COL27A1: variants seen among roughly 807,000 people sequenced by gnomAD.
COL27A1 encodes collagen type XXVII alpha 1 chain.
COL27A1 carries 106 observed loss-of-function variants against 251.3 expected under a neutral mutation model. The observed-to-expected ratio is 0.42, with a 90% CI of 0.36 to 0.50. The LOEUF is 0.50. Among genes scored for constraint, COL27A1 ranks in the 20% least tolerant of loss-of-function variants. The pLI is 0.00. For synonymous variants in COL27A1, 1,000 were observed against 986.3 expected (o/e 1.01, Z -0.26); for missense variants, 2,325 against 2,522.8 (o/e 0.92, Z 1.68).
chr9:114,214,774 C>T (rs1421896159), intron 12 of COL27A1, among the ~76,000 whole-genome samples: 1 of 152,226 alleles, frequency 6.6e-6, no homozygotes, highest in African/African-American at 2.4e-5. Flanking sequence ...CCTCATACCT[C>T]CTGCTAAGAG....
At chr9:114,282,712 C>A (rs907352653) in intron 39 of COL27A1, 148 bp downstream of exon 39, 1 of 588,518 alleles carries the variant, frequency 1.7e-6, no homozygotes, top group South Asian at 2.4e-5. Context: ...AGCCACCTCT[C>A]TGAATCATGA....
Position 114,211,672 on chromosome 9 carries a change from A to G in COL27A1, c.2367+646A>G, listed in dbSNP as rs148902376. ...TGCACGATGAGTAAACAATGCAGCC[A>G]GGATTGGAACTCAGTTGGTTTGTTC... On this transcript the variant is annotated intron_variant, in intron 12 of 60. Coordinates refer to ENST00000356083, the MANE Select transcript of COL27A1 (RefSeq NM_032888.4). Among the ~76,000 whole-genome samples, 1,152 of 152,340 alleles carry G rather than the reference A, an allele frequency of 7.6e-3. 5 individuals carry two copies. The highest frequency in any genetic ancestry group is 0.02 in the Middle Eastern group (6 of 294).
chr9:114,292,011 CA>C, intron 48 of COL27A1, 91 bp from the exon 49 acceptor site: 2 of 1,108,800 alleles, frequency 1.8e-6, no homozygotes, highest in Non-Finnish European at 2.7e-6. Context: ...CCTGTGGAAT[CA>C]CTGTTCTGGC....
At chr9:114,295,552 A>T (rs577820798) in intron 49 of COL27A1, among the ~76,000 whole-genome samples, 6 of 152,382 alleles carry the variant, frequency 3.9e-5, no homozygotes, top group African/African-American at 7.2e-5. Flanking sequence ...ACAAATCTGC[A>T]GTCATCACGA....
chr9:114,181,735 G>A (rs575778267), intron 4 of COL27A1, among the ~76,000 whole-genome samples: 2 of 152,324 alleles, frequency 1.3e-5, no homozygotes, highest in African/African-American at 2.4e-5. Context: ...GGACCCAGCT[G>A]TTATCGGGGA....
chr9:114,300,205 T>C, intron 50 of COL27A1, 82 bp downstream of exon 50: 1 of 1,392,100 alleles, frequency 7.2e-7, no homozygotes, highest in Non-Finnish European at 1.0e-6. Context: ...AACAAATATT[T>C]ATGGAGCACT....
chr9:114,157,719 G>C (rs965894682), intron 1 of COL27A1, among the ~76,000 whole-genome samples: 1 of 152,226 alleles, frequency 6.6e-6, no homozygotes, highest in Non-Finnish European at 1.5e-5. Context: ...GTTGGTGGGA[G>C]GCAGGCGGCA....
chr9:114,213,005 C>T (rs1480830234), intron 12 of COL27A1, among the ~76,000 whole-genome samples: 1 of 152,184 alleles, frequency 6.6e-6, no homozygotes, highest in Non-Finnish European at 1.5e-5. Context: ...ATCCTGGGAG[C>T]CTTACCAAGG....
At chr9:114,286,680 A>G (rs1214887048) in intron 41 of COL27A1, among the ~76,000 whole-genome samples, 1 of 152,232 alleles carries the variant, frequency 6.6e-6, no homozygotes, top group Non-Finnish European at 1.5e-5. Flanking sequence ...AACATGGCAC[A>G]TGTATACATA....
intron 59 of COL27A1, 111 bp from the exon 60 acceptor site, chr9:114,309,149 G>A (rs554100818): frequency 1.2e-6 from 1 of 862,976 alleles, no homozygotes; most frequent in South Asian, 1.4e-5. Flanking sequence ...ATCAGGAAAT[G>A]CTTGCCAGGA....
At chr9:114,174,064 G>A (rs952332838) in intron 3 of COL27A1, among the ~76,000 whole-genome samples, 3 of 151,574 alleles carry the variant, frequency 2.0e-5, no homozygotes, top group African/African-American at 7.3e-5. Flanking sequence ...TGCAACCTCC[G>A]CCTCCTGGGT....
intron 27 of COL27A1, among the ~76,000 whole-genome samples, chr9:114,256,981 C>T (rs1833961712): frequency 6.6e-6 from 1 of 152,210 alleles, no homozygotes; most frequent in Non-Finnish European, 1.5e-5. Context: ...GGAGTCAGAA[C>T]TGCCTTTTAT....
intron 1 of COL27A1, among the ~76,000 whole-genome samples, chr9:114,158,028 A>G (rs113744403): frequency 0.059 from 9,039 of 152,262 alleles, 367 homozygotes; most frequent in South Asian, 0.11. Context: ...TCTCCAGACG[A>G]TGACCTGTCT....
rs376968378 is a variant in COL27A1, at chr9:114,289,289, C to T, written c.4200C>T (p.Gly1400=). 91 of 1,589,338 alleles carry T rather than the reference C, an allele frequency of 5.7e-5. No individual in the cohort carries two copies. Among genetic ancestry groups the T allele is most frequent in the Middle Eastern group, 1.7e-4 (1 of 6,004 alleles). The change falls in exon 45 of 61, where the codon GGC becomes GGT. Residue 1400 remains glycine, a synonymous_variant. Coordinates refer to ENST00000356083, the MANE Select transcript of COL27A1 (RefSeq NM_032888.4). ...GGCCGGGACCCAAAGGATCGAAAGG[C>T]GCAGAGGTAAGAGGGCCGGGGGTTC... ...RGWPGPKGSK[G]AEGPKGKQGK...
rs887146990 is a variant in COL27A1, at chr9:114,264,372, C to T, written c.3213C>T (p.Asp1071=). 36 of 1,597,122 alleles carry T rather than the reference C, an allele frequency of 2.3e-5. No homozygotes were observed. Among genetic ancestry groups the T allele is most frequent in the Non-Finnish European group, 2.9e-5 (34 of 1,171,268 alleles). ...AKGRRGPRGP[D]GPAGEQGSRG... The stretch of plus-strand genomic sequence containing the variant: ...TATTCCAGGGCCCCCGAGGACCGGA[C>T]GGACCAGCTGGGGAGCAAGGGTCCA... The change falls in exon 29 of 61, where the codon GAC becomes GAT. Residue 1071 remains aspartate, a synonymous_variant. Coordinates refer to ENST00000356083, the MANE Select transcript of COL27A1 (RefSeq NM_032888.4).
chr9:114,289,178 A>T, intron 44 of COL27A1, 64 bp from the exon 45 acceptor site: 2 of 924,966 alleles, frequency 2.2e-6, no homozygotes, highest in Non-Finnish European at 3.3e-6. Flanking sequence ...CCAGGCGGAG[A>T]CTGGCCACCC....
chr9:114,229,644 ACAG>A, intron 14 of COL27A1, among the ~76,000 whole-genome samples: 1 of 152,250 alleles, frequency 6.6e-6, no homozygotes, highest in East Asian at 1.9e-4. Flanking sequence ...TTGAAACCAC[ACAG>A]CAGCCAGACA....
At chr9:114,205,035 G>T in intron 7 of COL27A1, 67 bp from the exon 8 acceptor site, 1 of 1,505,886 alleles carries the variant, frequency 6.6e-7, no homozygotes. Context: ...CGGGAGGCTG[G>T]GCCCTTGCGA....
intron 1 of COL27A1, among the ~76,000 whole-genome samples, chr9:114,161,014 T>C (rs1399090682): frequency 1.3e-5 from 2 of 152,148 alleles, no homozygotes; most frequent in African/African-American, 4.8e-5. Context: ...CTCAAAATAG[T>C]TTAAACGATA....
Sources: gnomAD v4.1 joint callset for allele counts (sites outside exome capture counted in the v4.1 genomes callset) on GRCh38, gnomAD v4.1.1 for gene constraint, MANE v1.5 for transcripts, NCBI Gene and HGNC (gene_info 2026-07-23, HGNC 2026-07-21) for gene names.